LRRC37A2: variants seen among roughly 807,000 people sequenced by gnomAD.
The protein encoded by LRRC37A2 is leucine-rich repeat-containing protein 37A2.
A neutral mutation model predicts 68.8 loss-of-function variants in LRRC37A2; 9 were observed. The ratio of observed to expected loss-of-function variants is 0.13; its 90% CI spans 0.08 to 0.23. LRRC37A2 has a LOEUF of 0.23. Ranked by LOEUF, LRRC37A2 falls within the 10% of genes least tolerant of loss-of-function variation. The pLI, the probability that LRRC37A2 is intolerant of heterozygous loss-of-function variation, is 1.00. For synonymous variants in LRRC37A2, 63 were observed against 367.6 expected, an observed-to-expected ratio of 0.17 and a Z score of 9.48; for missense variants, 168 against 950.4, an observed-to-expected ratio of 0.18 and a Z score of 10.82.
At chr17:46,491,045 C>T in the LRRC37A2 span, among the ~76,000 whole-genome samples, 5 of 150,680 alleles carry the variant, frequency 3.3e-5, 1 homozygote, top group African/African-American at 1.2e-4. Flanking sequence ...CAGGTGCTCG[C>T]TGCCACACCC....
At chr17:46,533,235 T>C (rs1057215766) in intron 6 of LRRC37A2, among the ~76,000 whole-genome samples, 9 of 99,370 alleles carry the variant, frequency 9.1e-5, no homozygotes, top group African/African-American at 3.6e-4. Flanking sequence ...CTGGGCAACA[T>C]AGTGAGACCC....
chr17:46,850,729 T>C, the LRRC37A2 span, among the ~76,000 whole-genome samples: 1 of 152,140 alleles, frequency 6.6e-6, no homozygotes, highest in Non-Finnish European at 1.5e-5. Context: ...AAATTGGGGT[T>C]AAACTTTAAA....
At chr17:46,894,477 C>G in the LRRC37A2 span, among the ~76,000 whole-genome samples, 1 of 152,216 alleles carries the variant, frequency 6.6e-6, no homozygotes. Context: ...TGCCAGGAAA[C>G]CTACCAATTG....
the LRRC37A2 span, among the ~76,000 whole-genome samples, chr17:46,712,655 A>G: frequency 6.6e-6 from 1 of 152,198 alleles, no homozygotes; most frequent in African/African-American, 2.4e-5. Context: ...TTGCCAGTAT[A>G]TAGACTGTGG....
the LRRC37A2 span, among the ~76,000 whole-genome samples, chr17:46,502,366 A>G: frequency 2.0e-5 from 3 of 151,126 alleles, no homozygotes; most frequent in Admixed American, 1.3e-4. Context: ...GCTAGAGTGC[A>G]ATGGCCCGGT....
chr17:46,745,468 C>T, the LRRC37A2 span, among the ~76,000 whole-genome samples: 1 of 152,204 alleles, frequency 6.6e-6, no homozygotes, highest in East Asian at 1.9e-4. Context: ...TATGGTTGCT[C>T]TACATTTCCC....
chr17:46,946,505 G>A, the LRRC37A2 span, among the ~76,000 whole-genome samples: 1 of 133,888 alleles, frequency 7.5e-6, no homozygotes, highest in Non-Finnish European at 1.7e-5. Context: ...TATTCCCTTT[G>A]TGGAAAAAAA....
chr17:46,872,523 C>T, the LRRC37A2 span: 26 of 1,539,104 alleles, frequency 1.7e-5, no homozygotes, highest in South Asian at 5.1e-5. Context: ...CTAGCCTGAC[C>T]GGGCGGGAAG....
At chr17:46,526,547 C>G (rs2052790264) in intron 6 of LRRC37A2, among the ~76,000 whole-genome samples, 5 of 103,848 alleles carry the variant, frequency 4.8e-5, no homozygotes, top group Admixed American at 4.5e-4. Flanking sequence ...AGGCTCAGGC[C>G]CCACAAAATC....
chr17:46,903,842 T>A, the LRRC37A2 span, among the ~76,000 whole-genome samples: 2 of 144,808 alleles, frequency 1.4e-5, no homozygotes, highest in African/African-American at 5.2e-5. Flanking sequence ...GATGAGTGGA[T>A]GATGGATAGG....
the LRRC37A2 span, among the ~76,000 whole-genome samples, chr17:46,825,145 C>T: frequency 6.6e-6 from 1 of 152,230 alleles, no homozygotes; most frequent in Non-Finnish European, 1.5e-5. Context: ...GGGCTCTAAC[C>T]CAAGGCCAGC....
At chr17:46,994,152 A>T in the LRRC37A2 span, among the ~76,000 whole-genome samples, 1 of 152,044 alleles carries the variant, frequency 6.6e-6, no homozygotes, top group East Asian at 1.9e-4. Context: ...TGGGAGGCCG[A>T]GGTAGGTGGA....
chr17:46,968,527 C>T, the LRRC37A2 span, among the ~76,000 whole-genome samples: 2 of 152,252 alleles, frequency 1.3e-5, no homozygotes, highest in African/African-American at 4.8e-5. Flanking sequence ...GGGAAGAGCA[C>T]CATGCCAAGC....
the LRRC37A2 span, among the ~76,000 whole-genome samples, chr17:46,953,047 TTTATTTTA>T: frequency 1.3e-5 from 2 of 152,066 alleles, no homozygotes; most frequent in African/African-American, 4.8e-5. Flanking sequence ...TTTTTATTTT[TTTATTTTA>T]TTATTATTTT....
chr17:46,558,482 G>A (rs1458144529), downstream of LRRC37A2, among the ~76,000 whole-genome samples: 2 of 121,248 alleles, frequency 1.6e-5, no homozygotes, highest in African/African-American at 6.7e-5. Flanking sequence ...TGCCTTCCAG[G>A]TTCAAGTGAT....
chr17:46,824,869 T>C, the LRRC37A2 span, among the ~76,000 whole-genome samples: 1 of 152,228 alleles, frequency 6.6e-6, no homozygotes, highest in Non-Finnish European at 1.5e-5. Flanking sequence ...CCCTGCTCTG[T>C]CGCTTGGTTC....
the LRRC37A2 span, chr17:46,938,736 C>T: frequency 1.2e-6 from 2 of 1,613,994 alleles, no homozygotes; most frequent in Non-Finnish European, 1.7e-6. Context: ...TGGTCATGTT[C>T]CTCGTGGTGC....
chr17:46,716,237 C>T, the LRRC37A2 span, among the ~76,000 whole-genome samples: 2 of 148,998 alleles, frequency 1.3e-5, no homozygotes, highest in Non-Finnish European at 3.0e-5. Flanking sequence ...TCTAGTCTAC[C>T]TCCCACTACT....
chr17:46,766,756 T>G, the LRRC37A2 span, among the ~76,000 whole-genome samples: 8 of 152,170 alleles, frequency 5.3e-5, no homozygotes, highest in Non-Finnish European at 8.8e-5. Context: ...GGCACAGACA[T>G]GTGCCAGTAG....
Sources: gnomAD v4.1 joint callset for allele counts (sites outside exome capture counted in the v4.1 genomes callset) on GRCh38, gnomAD v4.1.1 for gene constraint, MANE v1.5 for transcripts, NCBI Gene and HGNC (gene_info 2026-07-23, HGNC 2026-07-21) for gene names.